Variants in CPSF2 observed in about 807,000 individuals in gnomAD.
The protein encoded by CPSF2 is cleavage and polyadenylation specific factor 2.
Under a neutral mutation model 84.2 loss-of-function variants are expected in CPSF2, and 51 were observed. The observed-to-expected ratio is 0.61, with a 90% CI of 0.48 to 0.77. The LOEUF is 0.77. CPSF2 is among the 30% of genes least tolerant of loss of function. The probability of loss-of-function intolerance (pLI) is 0.00; values close to 1 mark genes in which losing one functional copy is unlikely to be tolerated. For missense variants in CPSF2, 641 were observed against 929.4 expected (o/e 0.69, Z 4.03); for synonymous variants, 286 against 311.9 (o/e 0.92, Z 0.87).
Position 92,159,231 on chromosome 14 carries a change from A to G in CPSF2, c.2070A>G (p.Thr690=). Reference sequence around the variant, plus strand: ...TGTTCGGAGATGATGAAAAAGAAACAGGTGAAGAAAGTGAGATCATTCCTA... The same window carrying G: ...TGTTCGGAGATGATGAAAAAGAAACGGGTGAAGAAAGTGAGATCATTCCTA... ...KSLFGDDEKE[T]GEESEIIPTL... The change falls in exon 14 of 16, where the codon ACA becomes ACG. Residue 690 remains threonine (T), a synonymous_variant. Coordinates refer to ENST00000298875, the MANE Select transcript of CPSF2 (RefSeq NM_017437.3). 6.2e-7 allele frequency: 1 copy of G among 1,612,738 alleles called. No individual in the cohort carries two copies. The highest frequency in any genetic ancestry group is 1.1e-5 in the South Asian group (1 of 90,896).
intron 7 of CPSF2, among the ~76,000 whole-genome samples, chr14:92,140,980 A>G (rs999608129): frequency 2.0e-5 from 3 of 152,184 alleles, no homozygotes; most frequent in Non-Finnish European, 4.4e-5. Context: ...GCTAGAGTTC[A>G]GTTTTACCAC....
Position 92,155,428 on chromosome 14 carries a change from A to T in CPSF2, c.1442+105A>T. 4.3e-6 allele frequency: 4 copies of T among 920,538 alleles called. No individual in the cohort carries two copies. The South Asian group carries it at 6.1e-5, about 14-fold the overall frequency. 57.0% of individuals were successfully genotyped at this position (920,538 alleles called of 1,614,324 possible). On this transcript the variant is annotated intron_variant, in intron 11 of 15. Transcript: ENST00000298875. Reference sequence around the variant, plus strand: ...TCTTTCACTTGATCTTTCTAGTCACATGTATGGGGTTAGCTTCTGAGTACC... The same window carrying T: ...TCTTTCACTTGATCTTTCTAGTCACTTGTATGGGGTTAGCTTCTGAGTACC...
intron 1 of CPSF2, among the ~76,000 whole-genome samples, chr14:92,122,853 C>A (rs1018096716): frequency 7.1e-6 from 1 of 141,192 alleles, no homozygotes; most frequent in Admixed American, 7.1e-5. Context: ...TTTTTTCTTT[C>A]TTTTTTTTTT....
chr14:92,131,359 C>T (rs1379855999), intron 3 of CPSF2, among the ~76,000 whole-genome samples: 1 of 152,180 alleles, frequency 6.6e-6, no homozygotes, highest in Admixed American at 6.5e-5. Context: ...TAATGGATTT[C>T]AGTAGAAACT....
intron 9 of CPSF2, among the ~76,000 whole-genome samples, chr14:92,148,430 T>C (rs1298946826): frequency 6.6e-6 from 1 of 152,164 alleles, no homozygotes; most frequent in East Asian, 1.9e-4. Flanking sequence ...AAATCAACAT[T>C]GATACCATCC....
chr14:92,143,159 C>A lies in CPSF2; in HGVS notation c.1005C>A (p.Cys335Ter), dbSNP rs958465175. The A allele has an allele frequency of 6.2e-7, 1 of 1,614,056 alleles. No individual in the cohort carries two copies. ...TTGCCAGCCAACCTGACCTGGAATG[C>A]GGATTTTCAAGGGATCTCTTTATTC... Reference protein sequence around the residue: ...VVLASQPDLECGFSRDLFIQW... With the variant: ...VVLASQPDLE The change falls in exon 9 of 16, where the codon TGC becomes TGA. Residue 335 changes from cysteine to a stop codon, truncating the protein, a stop_gained. Coordinates refer to ENST00000298875, the MANE Select transcript of CPSF2 (RefSeq NM_017437.3). LOFTEE classifies it high-confidence loss of function.
chr14:92,163,739 G>GT lies in CPSF2; in HGVS notation c.*2001dup, dbSNP rs1405162672. The GT allele has an allele frequency of 7.2e-5, 11 of 152,020 alleles. No homozygotes were observed. The highest frequency in any genetic ancestry group is 5.9e-4 in the Admixed American group (9 of 15,214). The allele number at this position is 152,020 out of a possible 1,614,324, so 9.4% of individuals were successfully genotyped here. ...GGTGTTTTTTTTTGTTTTGTTTTTT[G>GT]TTTTTTGAGATGGAGTTTTGCTCTT... On this transcript the variant is annotated 3_prime_UTR_variant, in exon 16 of 16. Transcript: ENST00000298875.
At chr14:92,143,799 C>T (rs1408764836) in intron 9 of CPSF2, among the ~76,000 whole-genome samples, 2 of 151,986 alleles carry the variant, frequency 1.3e-5, no homozygotes, top group Admixed American at 1.3e-4. Context: ...TTTGGAAAGA[C>T]GTTGTCTCAT....
chr14:92,148,722 G>A (rs2069173508), intron 9 of CPSF2, among the ~76,000 whole-genome samples: 1 of 147,666 alleles, frequency 6.8e-6, no homozygotes, highest in African/African-American at 2.5e-5. Flanking sequence ...AGGATTGCTT[G>A]AGCCTAGGAG....
intron 7 of CPSF2, among the ~76,000 whole-genome samples, chr14:92,139,291 C>T (rs1470914988): frequency 1.3e-5 from 2 of 151,710 alleles, no homozygotes; most frequent in African/African-American, 2.4e-5. Flanking sequence ...GTGGCGGGTG[C>T]ATGTAATCCC....
chr14:92,159,250 A>C lies in CPSF2; in HGVS notation c.2089A>C (p.Ile697Leu). The C allele has an allele frequency of 1.2e-6, 2 of 1,608,360 alleles. No individual in the cohort carries two copies. The highest frequency in any genetic ancestry group is 1.7e-6 in the Non-Finnish European group (2 of 1,176,590). The change falls in exon 14 of 16, where the codon ATT (isoleucine) becomes CTT (leucine). Residue 697 changes from isoleucine to leucine, a missense_variant. Physicochemically the swap from Ile to Leu is conservative, Grantham distance 5. Transcript: ENST00000298875. ...AGAAACAGGTGAAGAAAGTGAGATC[A>C]TTCCTACTTTGGAACCCTTGCCACC... Reference protein sequence around the residue: ...EKETGEESEIIPTLEPLPPHE... With the variant: ...EKETGEESEILPTLEPLPPHE...
chr14:92,161,018 T>G (rs567539995), intron 14 of CPSF2, 94 bp from the exon 15 acceptor site: 2 of 1,179,106 alleles, frequency 1.7e-6, no homozygotes, highest in Non-Finnish European at 2.4e-6. Flanking sequence ...ATAGAAAATC[T>G]CTTAGAGATA....
Position 92,155,104 on chromosome 14 carries a change from T to A in CPSF2, c.1242-19T>A, listed in dbSNP as rs759717711. The A allele has an allele frequency of 2.6e-6, 4 of 1,538,642 alleles. No individual in the cohort carries two copies. The South Asian group carries it at 4.5e-5, about 17-fold the overall frequency. Reference sequence around the variant, plus strand: ...TCTTTGAAACTTTATGACCTTGATCTATTCTAAAATCCTCCTAGGGCAGAT... The same window carrying A: ...TCTTTGAAACTTTATGACCTTGATCAATTCTAAAATCCTCCTAGGGCAGAT... On this transcript the variant is annotated intron_variant, in intron 10 of 15. Transcript: ENST00000298875.
In CPSF2 at chr14:92,126,136, C is replaced by T. The variant is rs940799224; in HGVS notation, c.-79C>T. 6 of 152,160 alleles carry T rather than the reference C, an allele frequency of 3.9e-5. No homozygotes were observed. The highest frequency in any genetic ancestry group is 7.4e-5 in the Non-Finnish European group (5 of 68,022). 9.4% of individuals were successfully genotyped at this position (152,160 alleles called of 1,614,324 possible). On this transcript the variant is annotated 5_prime_UTR_variant, in exon 2 of 16. Coordinates refer to ENST00000298875, the MANE Select transcript of CPSF2 (RefSeq NM_017437.3). ...TTATTTTTTAGATTAATAAAGAACTCTTCAGAATTCCTGGTGTTTCATCAT... is the reference window on the plus strand; with the variant it reads ...TTATTTTTTAGATTAATAAAGAACTTTTCAGAATTCCTGGTGTTTCATCAT...
chr14:92,143,450 G>T (rs2069105304), intron 9 of CPSF2, among the ~76,000 whole-genome samples, 156 bp downstream of exon 9: 1 of 152,098 alleles, frequency 6.6e-6, no homozygotes, highest in African/African-American at 2.4e-5. Context: ...GTGCTGTAGT[G>T]CCAGCTACTC....
chr14:92,128,003 A>G (rs182797976), intron 2 of CPSF2, among the ~76,000 whole-genome samples: 2 of 152,340 alleles, frequency 1.3e-5, no homozygotes, highest in South Asian at 2.1e-4. Context: ...CTGAAAGTCA[A>G]CCTACTAAGA....
In CPSF2 at chr14:92,163,279, C is replaced by A. The variant is rs1184370946; in HGVS notation, c.*1535C>A. Reference sequence around the variant, plus strand: ...ACCCAGTAATATCAGACTCGAATTACTATTTCATTCTATTTCAAATGCTTA... The same window carrying A: ...ACCCAGTAATATCAGACTCGAATTAATATTTCATTCTATTTCAAATGCTTA... On this transcript the variant is annotated 3_prime_UTR_variant, in exon 16 of 16. Transcript: ENST00000298875. The A allele has an allele frequency of 6.6e-6, 1 of 152,388 alleles. No individual in the cohort carries two copies. The highest frequency in any genetic ancestry group is 2.4e-5 in the African/African-American group (1 of 41,438). 9.4% of individuals were successfully genotyped at this position (152,388 alleles called of 1,614,324 possible).
At chr14:92,160,053 C>T (rs1160404394) in intron 14 of CPSF2, among the ~76,000 whole-genome samples, 1 of 152,084 alleles carries the variant, frequency 6.6e-6, no homozygotes, top group African/African-American at 2.4e-5. Context: ...ACCTCCGCCT[C>T]CCGGGTTCAA....
At chr14:92,143,390 GT>G (rs2069104412) in intron 9 of CPSF2, 96 bp downstream of exon 9, 2 of 889,948 alleles carry the variant, frequency 2.2e-6, no homozygotes, top group Non-Finnish European at 3.4e-6. Flanking sequence ...ACTTGAAATT[GT>G]TTTAGGATTT....
Sources: allele counts gnomAD v4.1 joint callset (sites outside exome capture counted in the v4.1 genomes callset), GRCh38; gene constraint gnomAD v4.1.1; transcripts MANE v1.5; gene names NCBI Gene and HGNC (gene_info 2026-07-23, HGNC 2026-07-21).